The following MBD3 variants were observed in gnomAD, a reference collection of about 807,000 sequenced individuals.
MBD3 encodes methyl-CpG-binding domain protein 3.
MBD3 carries 13 observed loss-of-function variants against 31.2 expected under a neutral mutation model. The observed-to-expected ratio is 0.42, with a 90% confidence interval of 0.27 to 0.66. MBD3 has a LOEUF of 0.66. MBD3 is among the 30% of genes least tolerant of loss of function. The pLI is 0.26. For missense variants in MBD3, 440 were observed against 426.5 expected, an observed-to-expected ratio of 1.03 and a Z score of -0.28; for synonymous variants, 223 against 187.4, an observed-to-expected ratio of 1.19 and a Z score of -1.55.
intron 1 of MBD3, among the ~76,000 whole-genome samples, chr19:1,591,371 C>G (rs1323386212): frequency 1.3e-5 from 2 of 152,236 alleles, no homozygotes; most frequent in Non-Finnish European, 2.9e-5. Flanking sequence ...CATCCTTTCC[C>G]CGCTCACTTT....
chr19:1,580,054 G>A (rs549882123), intron 5 of MBD3, among the ~76,000 whole-genome samples: 4 of 152,322 alleles, frequency 2.6e-5, no homozygotes, highest in Admixed American at 1.3e-4. Context: ...CACTGTGCCC[G>A]GCCTTATTTC....
chr19:1,577,410 CACT>C lies in MBD3; in HGVS notation c.*751_*753del, dbSNP rs1355176075. ...CCCCAAAGCTGGGTGCCTGTGTCGC[CACT>C]AAACAGAAGGGAAACCGAGGCAGGG... On this transcript the variant is annotated 3_prime_UTR_variant, in exon 7 of 7. Transcript: ENST00000434436. The C allele has an allele frequency of 6.6e-6, 1 of 152,228 alleles. No homozygotes were observed. Among genetic ancestry groups the C allele is most frequent in the Non-Finnish European group, 1.5e-5 (1 of 68,040 alleles). The allele number at this position is 152,228 out of a possible 1,614,324, so 9.4% of individuals were successfully genotyped here.
chr19:1,585,551 G>A lies in MBD3; in HGVS notation c.111-337C>T, dbSNP rs1168695410. 8.6e-6 allele frequency: 3 copies of A among 349,296 alleles called. No individual in the cohort carries two copies. Among genetic ancestry groups the A allele is most frequent in the South Asian group, 5.6e-5 (2 of 35,472 alleles). The allele number at this position is 349,296 out of a possible 1,614,324, so 21.6% of individuals were successfully genotyped here. A position where few individuals can be genotyped will look rare whatever the true frequency, so the allele number is the denominator to read the frequency against. ...TCCTTGCTCCAGACCCCCAACCCCG[G>A]TCCCCTCTGAATCCTCCCCACCGTA... On this transcript the variant is annotated intron_variant, in intron 1 of 6. Transcript: ENST00000434436. This position sits in a 1 kb window ranked among gnomAD's most constrained non-coding sequence, Gnocchi z 4.1.
chr19:1,588,795 A>G (rs888303302), intron 1 of MBD3, among the ~76,000 whole-genome samples: 1 of 151,396 alleles, frequency 6.6e-6, no homozygotes, highest in Non-Finnish European at 1.5e-5. Context: ...AAAAAAAAAA[A>G]AAAAAAGGTG....
At chr19:1,584,846 C>T (rs2145602273) in intron 2 of MBD3, 169 bp from the exon 3 acceptor site, 2 of 984,910 alleles carry the variant, frequency 2.0e-6, no homozygotes, top group Non-Finnish European at 2.8e-6. Context: ...TCGGTCCGGC[C>T]GGCTCTGGAA....
At chr19:1,589,789 G>A (rs556272356) in intron 1 of MBD3, among the ~76,000 whole-genome samples, 7 of 152,218 alleles carry the variant, frequency 4.6e-5, no homozygotes, top group Admixed American at 3.3e-4. Flanking sequence ...AGCTGTGACT[G>A]CACCACTGCA....
rs779053355 is a variant in MBD3 at position 1,585,837 on chromosome 19, G to C, written c.111-623C>G. The C allele has an allele frequency of 5.8e-5, 9 of 155,336 alleles. No homozygotes were observed. The highest frequency in any genetic ancestry group is 1.0e-4 in the Non-Finnish European group (7 of 70,100). The allele number at this position is 155,336 out of a possible 1,614,324, so 9.6% of individuals were successfully genotyped here. ...GTCTCGTTCTAAGATCTGGGGCCAG[G>C]CCCTAACAGCTGCTTGGGCATAACC... is the stretch of plus-strand genomic sequence containing the variant. On this transcript the variant is annotated intron_variant, in intron 1 of 6. Coordinates refer to ENST00000434436, the MANE Select transcript of MBD3 (RefSeq NM_001281453.2). This position sits in a 1 kb window ranked among gnomAD's most constrained non-coding sequence, Gnocchi z 4.1.
intron 5 of MBD3, among the ~76,000 whole-genome samples, chr19:1,580,278 G>A (rs1054167063): frequency 6.6e-6 from 1 of 152,218 alleles, no homozygotes; most frequent in Non-Finnish European, 1.5e-5. Flanking sequence ...GGAACCCTTG[G>A]CGCCCACAGT....
chr19:1,578,390 C>A lies in MBD3; in HGVS notation c.826G>T (p.Glu276Ter). Reference protein sequence around the residue: ...CAEDDDEEDEEEEEEEPDPDP... With the variant: ...CAEDDDEEDE The stretch of plus-strand genomic sequence containing the variant: ...GGGTCGGGCTCCTCCTCCTCCTCCT[C>A]CTCGTCTTCCTCGTCGTCGTCCTCA... The change falls in exon 6 of 7, where the codon GAG becomes TAG. Residue 276 changes from glutamate to a stop codon, truncating the protein, a stop_gained. Coordinates refer to ENST00000434436, the MANE Select transcript of MBD3 (RefSeq NM_001281453.2). LOFTEE classifies it high-confidence loss of function. This position sits in a 1 kb window ranked among gnomAD's most constrained non-coding sequence, Gnocchi z 6.1. 1 of 1,603,838 alleles carries A rather than the reference C, an allele frequency of 6.2e-7. No homozygotes were observed. Among genetic ancestry groups the A allele is most frequent in the Non-Finnish European group, 8.5e-7 (1 of 1,179,642 alleles).
chr19:1,581,771 CTTT>C (rs35312920), intron 4 of MBD3: 313 of 161,972 alleles, frequency 1.9e-3, no homozygotes, highest in South Asian at 4.9e-3. Flanking sequence ...TGCTCTGTAT[CTTT>C]TTTTTTTTTT....
chr19:1,579,490 G>A (rs1402704504), intron 5 of MBD3, among the ~76,000 whole-genome samples: 4 of 152,002 alleles, frequency 2.6e-5, no homozygotes, highest in South Asian at 2.1e-4. Flanking sequence ...CTCCCTCTCC[G>A]GCTGCCCAAA....
chr19:1,585,058 G>T lies in MBD3; in HGVS notation c.267C>A (p.Val89=). 3 of 1,611,638 alleles carry T rather than the reference G, an allele frequency of 1.9e-6. No individual in the cohort carries two copies. Among genetic ancestry groups the T allele is most frequent in the South Asian group, 2.2e-5 (2 of 91,042 alleles). Residue 89 remains valine (V), a synonymous_variant, in exon 2 of 7, where the codon GTC becomes GTA. Coordinates refer to ENST00000434436, the MANE Select transcript of MBD3 (RefSeq NM_001281453.2). The surrounding 1 kb of genome is among the most constrained non-coding windows in gnomAD (Gnocchi z 4.1). ...CCTGCGTGACGCCACCACTCACCTT[G>T]ACCTGGTTGGAGGAGTCGTAGCGCA... ...QRVRYDSSNQ[V]KGKPDLNTAL... is the part of the protein sequence containing the mutation.
At chr19:1,587,028 C>T (rs189640281) in intron 1 of MBD3, among the ~76,000 whole-genome samples, 8 of 148,516 alleles carry the variant, frequency 5.4e-5, no homozygotes, top group African/African-American at 1.5e-4. Context: ...TGCAGTGGTG[C>T]GATCTTGGCT....
At chr19:1,580,569 C>T (rs1038431403) in intron 5 of MBD3, among the ~76,000 whole-genome samples, 15 of 152,358 alleles carry the variant, frequency 9.8e-5, no homozygotes, top group African/African-American at 3.4e-4. Flanking sequence ...CGTCACCAGG[C>T]GGCCTTGCGT....
chr19:1,591,978 G>T lies in MBD3; in HGVS notation c.110+544C>A, dbSNP rs570291341. 2.6e-3 allele frequency: 394 copies of T among 152,300 alleles called. 1 individual carries two copies. The highest frequency in any genetic ancestry group is 8.8e-3 in the African/African-American group (367 of 41,558). The allele number at this position is 152,300 out of a possible 1,614,324, so 9.4% of individuals were successfully genotyped here. ...CCAGAGGCCTCGGAAGGAGTCAAGG[G>T]GAATACCTTTAAAAAAAGCAACGCT... On this transcript the variant is annotated intron_variant, in intron 1 of 6. Coordinates refer to ENST00000434436, the MANE Select transcript of MBD3 (RefSeq NM_001281453.2).
At position 1,578,860 on chromosome 19, in the gene MBD3, C is replaced by T. The variant is rs901897074; in HGVS notation, c.678-322G>A. ...GGCTCAGCTGTGTAAACCCTTGCTC[C>T]TGTCCCTTGACAGGCACTGAGTGGG... On this transcript the variant is annotated intron_variant, in intron 5 of 6. Transcript: ENST00000434436. This position sits in a 1 kb window ranked among gnomAD's most constrained non-coding sequence, Gnocchi z 6.1. 1.4e-4 allele frequency among the ~76,000 whole-genome samples: 22 copies of T among 152,176 alleles called. No individual in the cohort carries two copies. Among genetic ancestry groups the T allele is most frequent in the Non-Finnish European group, 2.9e-4 (20 of 68,022 alleles).
chr19:1,582,204 C>A (rs2145597779), intron 4 of MBD3, among the ~76,000 whole-genome samples: 1 of 152,276 alleles, frequency 6.6e-6, no homozygotes, highest in East Asian at 1.9e-4. Context: ...ACCCAGCCGA[C>A]CCTGTCTCAA....
At chr19:1,581,989 G>T (rs190020763) in intron 4 of MBD3, among the ~76,000 whole-genome samples, 1 of 151,988 alleles carries the variant, frequency 6.6e-6, no homozygotes, top group Non-Finnish European at 1.5e-5. Context: ...GGATGATCTC[G>T]ATCTCCTGAC....
rs772866193 is a variant in MBD3 at position 1,578,556 on chromosome 19, T to C, written c.678-18A>G. On this transcript the variant is annotated intron_variant, in intron 5 of 6. Transcript: ENST00000434436. This position sits in a 1 kb window ranked among gnomAD's most constrained non-coding sequence, Gnocchi z 6.1. ...CCTGCTTCCTGGGGACACATGGACCTTGCGTTACACCAAGGTGAGCGGCCA... is the reference window on the plus strand; with the variant it reads ...CCTGCTTCCTGGGGACACATGGACCCTGCGTTACACCAAGGTGAGCGGCCA... 1 of 1,611,166 alleles carries C rather than the reference T, an allele frequency of 6.2e-7. No individual in the cohort carries two copies. The highest frequency in any genetic ancestry group is 8.5e-7 in the Non-Finnish European group (1 of 1,179,884).
Sources: gnomAD v4.1 joint callset for allele counts (sites outside exome capture counted in the v4.1 genomes callset) on GRCh38, gnomAD v4.1.1 for gene constraint, Gnocchi (gnomAD v3.1) non-coding constraint, MANE v1.5 for transcripts, NCBI Gene and HGNC (gene_info 2026-07-23, HGNC 2026-07-21) for gene names.